The following SLC38A8 variants were observed in gnomAD, a reference collection of about 807,000 sequenced individuals.
SLC38A8 encodes the protein amino acid transporter SLC38A8.
A neutral mutation model predicts 46.0 loss-of-function variants in SLC38A8; 65 were observed. That is an observed-to-expected ratio of 1.41 (90% confidence interval 1.16 to 1.74). SLC38A8 has a LOEUF of 1.74. Among genes scored for constraint, SLC38A8 ranks in the 40% most tolerant of loss-of-function variants. The pLI is 0.00. For synonymous variants in SLC38A8, 447 were observed against 243.7 expected, an observed-to-expected ratio of 1.83 and a Z score of -7.77; for missense variants, 998 against 567.9, an observed-to-expected ratio of 1.76 and a Z score of -7.70.
intron 6 of SLC38A8, among the ~76,000 whole-genome samples, chr16:84,023,481 A>G (rs2085120140): frequency 6.6e-6 from 1 of 152,092 alleles, no homozygotes; most frequent in Non-Finnish European, 1.5e-5. Context: ...CATGCCCACC[A>G]AGAGCAGAGG....
intron 3 of SLC38A8, among the ~76,000 whole-genome samples, chr16:84,035,885 C>T (rs1387024363): frequency 2.0e-5 from 3 of 152,150 alleles, no homozygotes; most frequent in Non-Finnish European, 4.4e-5. Context: ...ATAACTAGAC[C>T]TAAAGATTAA....
At chr16:84,033,852 C>T (rs534941499) in intron 3 of SLC38A8, among the ~76,000 whole-genome samples, 1 of 152,178 alleles carries the variant, frequency 6.6e-6, no homozygotes, top group South Asian at 2.1e-4. Flanking sequence ...TTTTGGCCAC[C>T]GTGCCGTCAG....
chr16:84,026,152 G>C (rs1443131368), intron 6 of SLC38A8, among the ~76,000 whole-genome samples: 2 of 152,076 alleles, frequency 1.3e-5, no homozygotes, highest in East Asian at 1.9e-4. Context: ...AAGACAGTTA[G>C]TAGTGCCAGA....
At chr16:84,021,349 G>C (rs1230807502) in intron 7 of SLC38A8, among the ~76,000 whole-genome samples, 1 of 152,178 alleles carries the variant, frequency 6.6e-6, no homozygotes, top group Non-Finnish European at 1.5e-5. Context: ...ACAGGAGTGA[G>C]CCACGGCACC....
At chr16:84,011,125 C>T (rs146003331) in intron 10 of SLC38A8, among the ~76,000 whole-genome samples, 5 of 152,328 alleles carry the variant, frequency 3.3e-5, no homozygotes, top group African/African-American at 7.2e-5. Context: ...CACGGCTGTT[C>T]AGCGCCATAA....
intron 3 of SLC38A8, among the ~76,000 whole-genome samples, chr16:84,035,143 T>G (rs117533691): frequency 0.026 from 3,993 of 152,242 alleles, 69 homozygotes; most frequent in Non-Finnish European, 0.043. Context: ...GTCAGGGGGC[T>G]CCGCTCCCAG....
chr16:84,040,125 T>A (rs559728545), intron 2 of SLC38A8: 11 of 152,176 alleles, frequency 7.2e-5, no homozygotes, highest in Admixed American at 7.2e-4. Flanking sequence ...ACGCTCCCCA[T>A]GCAGAAGCCT....
In SLC38A8 at chr16:84,033,359, G is replaced by A. The variant is rs767833817; in HGVS notation, c.499C>T (p.Pro167Ser). The stretch of plus-strand genomic sequence containing the variant: ...TATTTCTGGAAGGCGATCTCCCGCG[G>A]GGCAGACAGGGGCAGGATGACCAGC... ...SVLVILPLSA[P>S]REIAFQKYTS... is the part of the protein sequence containing the mutation. Residue 167 changes from proline to serine, a missense_variant, in exon 4 of 11, where the codon CCG becomes TCG. Physicochemically the swap from Pro to Ser is moderately conservative, Grantham distance 74 (BLOSUM62 -1). Coordinates refer to ENST00000299709, the MANE Select transcript of SLC38A8 (RefSeq NM_001080442.3). 6.2e-7 allele frequency: 1 copy of A among 1,614,088 alleles called. No individual in the cohort carries two copies. The highest frequency in any genetic ancestry group is 8.5e-7 in the Non-Finnish European group (1 of 1,180,006).
In SLC38A8 at chr16:84,036,924, G is replaced by C. The variant is rs1278923287; in HGVS notation, c.190-24C>G. ...ACCTGCGGAGAAGGAGCAGGACCTG[G>C]AACTGGGGTGTGCCCACAGCCCACC... On this transcript the variant is annotated intron_variant, in intron 2 of 10. Coordinates refer to ENST00000299709, the MANE Select transcript of SLC38A8 (RefSeq NM_001080442.3). The C allele has an allele frequency of 1.9e-6, 3 of 1,589,062 alleles. No individual in the cohort carries two copies. The South Asian group carries it at 3.4e-5, about 18-fold the overall frequency.
intron 5 of SLC38A8, 83 bp downstream of exon 5, chr16:84,031,784 G>T: frequency 2.5e-6 from 3 of 1,180,930 alleles, no homozygotes; most frequent in Non-Finnish European, 3.8e-6. Flanking sequence ...GCCACGAGAG[G>T]CTCCTCCTCC....
chr16:84,031,556 G>T (rs1028983799), intron 5 of SLC38A8, among the ~76,000 whole-genome samples: 10 of 135,134 alleles, frequency 7.4e-5, no homozygotes, highest in East Asian at 2.7e-4. Flanking sequence ...CAGCTGGATG[G>T]CTGCCAGATT....
intron 7 of SLC38A8, among the ~76,000 whole-genome samples, chr16:84,019,085 T>A (rs9926164): frequency 0.26 from 38,742 of 147,572 alleles, 7,507 homozygotes; most frequent in African/African-American, 0.56. Flanking sequence ...CCAAAAAAAA[T>A]TTTTTTTTTT....
At chr16:84,015,513 C>A (rs1052738111) in intron 9 of SLC38A8, among the ~76,000 whole-genome samples, 3 of 152,012 alleles carry the variant, frequency 2.0e-5, no homozygotes, top group Non-Finnish European at 2.9e-5. Context: ...GAGGCACCAG[C>A]GGTAGCATGG....
At chr16:84,022,255 C>T (rs9924163) in intron 7 of SLC38A8, among the ~76,000 whole-genome samples, 109,218 of 152,156 alleles carry the variant, frequency 0.72, 40,717 homozygotes, top group African/African-American at 0.9. Flanking sequence ...AGAAGCCAGC[C>T]GTGCCAGGGA....
chr16:84,033,136 T>A lies in SLC38A8; in HGVS notation c.530+192A>T, dbSNP rs190702152. ...TGAGTAGCACTGACGTTGTTACAGG[T>A]CATTTTCTTCTTTAGGCTCATCTAT... On this transcript the variant is annotated intron_variant, in intron 4 of 10. Transcript: ENST00000299709. Among the ~76,000 whole-genome samples, 434 of 152,312 alleles carry A rather than the reference T, an allele frequency of 2.8e-3. 3 individuals are homozygous for A. Among genetic ancestry groups the A allele is most frequent in the African/African-American group, 0.01 (418 of 41,576 alleles).
In SLC38A8 at chr16:84,034,643, A is replaced by T. The variant is rs550634407; in HGVS notation, c.389-1174T>A. ...ACAAGGGGAGCCATGTGAAAAAATG[A>T]ATGCATGTGAGAATAGCTCAAGCGT... On this transcript the variant is annotated intron_variant, in intron 3 of 10. Transcript: ENST00000299709. Among the ~76,000 whole-genome samples, 8 of 152,314 alleles carry T rather than the reference A, an allele frequency of 5.3e-5. No homozygotes were observed. The South Asian group carries it at 1.7e-3, about 32-fold the overall frequency.
rs187102297 is a variant in SLC38A8 at position 84,029,468 on chromosome 16, G to C, written c.690+26C>G. On this transcript the variant is annotated intron_variant, in intron 6 of 10. Transcript: ENST00000299709. ...ACCCACAGCCTCTGCAAACGCCACA[G>C]GCTGCAACACAGATGCTAAAATTAC... 169 of 1,613,342 alleles carry C rather than the reference G, an allele frequency of 1.0e-4. 2 individuals are homozygous for C. The African/African-American group carries it at 1.9e-3, about 18-fold the overall frequency.
chr16:84,039,149 A>G (rs1310270375), intron 2 of SLC38A8, among the ~76,000 whole-genome samples: 1 of 152,152 alleles, frequency 6.6e-6, no homozygotes, highest in Non-Finnish European at 1.5e-5. Context: ...AAGCACCTGG[A>G]GCCACCAGGA....
At chr16:84,014,201 G>C (rs116905648) in intron 9 of SLC38A8, among the ~76,000 whole-genome samples, 2,314 of 151,362 alleles carry the variant, frequency 0.015, 80 homozygotes, top group East Asian at 0.1. Flanking sequence ...GCCAAGGGAG[G>C]AGCTGTGTAG....
Sources: gnomAD v4.1 joint callset for allele counts (sites outside exome capture counted in the v4.1 genomes callset) on GRCh38, gnomAD v4.1.1 for gene constraint, MANE v1.5 for transcripts, NCBI Gene and HGNC (gene_info 2026-07-23, HGNC 2026-07-21) for gene names.